ERBB4: variants seen among roughly 807,000 people sequenced by gnomAD.
ERBB4 encodes the protein erb-b2 receptor tyrosine kinase 4.
ERBB4 carries 42 observed loss-of-function variants against 158.0 expected under a neutral mutation model. That is an observed-to-expected ratio of 0.27 (90% CI 0.21 to 0.34). ERBB4 has a LOEUF of 0.34. Among genes scored for constraint, ERBB4 ranks in the 10% least tolerant of loss-of-function variants. ERBB4 has a pLI of 1.00. For synonymous variants in ERBB4, 583 were observed against 558.7 expected (o/e 1.04, Z -0.61); for missense variants, 1,333 against 1,624.1 (o/e 0.82, Z 3.08).
chr2:212,062,737 C>G (rs919074841), intron 2 of ERBB4, among the ~76,000 whole-genome samples: 1 of 152,040 alleles, frequency 6.6e-6, no homozygotes, highest in Non-Finnish European at 1.5e-5. Flanking sequence ...TTCAGCATCT[C>G]AGATGGAATC....
At chr2:211,586,396 A>G (rs1559323732) in intron 19 of ERBB4, among the ~76,000 whole-genome samples, 1 of 152,216 alleles carries the variant, frequency 6.6e-6, no homozygotes, top group African/African-American at 2.4e-5. Flanking sequence ...AAAGAAATAG[A>G]GTTGTATAAC....
intron 5 of ERBB4, among the ~76,000 whole-genome samples, chr2:211,744,328 A>G (rs2106191473): frequency 6.6e-6 from 1 of 152,352 alleles, no homozygotes; most frequent in East Asian, 1.9e-4. Context: ...CTAAAAATAT[A>G]AAAGATTTTA....
intron 20 of ERBB4, among the ~76,000 whole-genome samples, chr2:211,473,309 G>T (rs568002359): frequency 6.6e-6 from 1 of 152,196 alleles, no homozygotes; most frequent in African/African-American, 2.4e-5. Context: ...GCTTCTAGAA[G>T]AGAGTAGGTC....
At chr2:212,238,139 T>C (rs1330309766) in intron 1 of ERBB4, among the ~76,000 whole-genome samples, 1 of 152,216 alleles carries the variant, frequency 6.6e-6, no homozygotes, top group Non-Finnish European at 1.5e-5. Flanking sequence ...AAATAATTCC[T>C]GCAGTTAGCT....
At chr2:211,646,172 T>C (rs547684842) in intron 16 of ERBB4, among the ~76,000 whole-genome samples, 3 of 151,740 alleles carry the variant, frequency 2.0e-5, no homozygotes, top group South Asian at 4.1e-4. Flanking sequence ...TTATCGTATA[T>C]ATGTATTAGT....
intron 19 of ERBB4, among the ~76,000 whole-genome samples, chr2:211,592,780 G>A (rs139587647): frequency 0.016 from 2,500 of 152,266 alleles, 66 homozygotes; most frequent in African/African-American, 0.057. Context: ...GGGAGGCCGA[G>A]GTGGGTGGAT....
chr2:212,441,388 A>T (rs2092251470), intron 1 of ERBB4, among the ~76,000 whole-genome samples: 1 of 152,150 alleles, frequency 6.6e-6, no homozygotes, highest in Admixed American at 6.5e-5. Flanking sequence ...CAGGCATGAT[A>T]ATGTTGATTC....
intron 1 of ERBB4, among the ~76,000 whole-genome samples, chr2:212,448,535 C>T (rs1214734766): frequency 6.6e-6 from 1 of 151,448 alleles, no homozygotes; most frequent in African/African-American, 2.4e-5. Context: ...GGGAGTGTGG[C>T]TTTTTCTGCC....
intron 1 of ERBB4, among the ~76,000 whole-genome samples, chr2:212,516,556 A>G (rs566176571): frequency 4.2e-4 from 64 of 152,226 alleles, no homozygotes; most frequent in African/African-American, 1.3e-3. Context: ...TCTTCCAGCA[A>G]ACAGTCCCAT....
intron 1 of ERBB4, among the ~76,000 whole-genome samples, chr2:212,530,391 A>T (rs1692687657): frequency 6.6e-6 from 1 of 152,222 alleles, no homozygotes; most frequent in South Asian, 2.1e-4. Context: ...TGGTTTTCAT[A>T]GGTCCCTATA....
chr2:212,344,459 T>C (rs766970123), intron 1 of ERBB4, among the ~76,000 whole-genome samples: 5 of 140,558 alleles, frequency 3.6e-5, no homozygotes, highest in Non-Finnish European at 3.1e-5. Context: ...AGCTACCATA[T>C]ATATGTGTGT....
intron 20 of ERBB4, among the ~76,000 whole-genome samples, chr2:211,555,897 A>C (rs748930038): frequency 5.1e-4 from 77 of 152,192 alleles, no homozygotes; most frequent in Admixed American, 9.2e-4. Context: ...TGACACTATA[A>C]AGCAACCACA....
intron 1 of ERBB4, among the ~76,000 whole-genome samples, chr2:212,260,551 G>T (rs2084901496): frequency 6.6e-6 from 1 of 152,134 alleles, no homozygotes; most frequent in Admixed American, 6.5e-5. Flanking sequence ...AGTGGCTCAC[G>T]CCTGTAATCC....
At position 212,287,540 on chromosome 2, in the gene ERBB4, A is replaced by G. The variant is rs1319162407; in HGVS notation, c.83-162637T>C. On this transcript the variant is annotated intron_variant, in intron 1 of 27. Coordinates refer to ENST00000342788, the MANE Select transcript of ERBB4 (RefSeq NM_005235.3). Reference sequence around the variant, plus strand: ...ACTGATCCCTCTGCCTACTCCAAACAGGGGGTAACCTAACAGGCTTCATCG... The same window carrying G: ...ACTGATCCCTCTGCCTACTCCAAACGGGGGGTAACCTAACAGGCTTCATCG... Among the ~76,000 whole-genome samples, 7 of 151,892 alleles carry G rather than the reference A, an allele frequency of 4.6e-5. No individual in the cohort carries two copies. In the South Asian group the frequency reaches 6.2e-4, roughly 13 times the overall value.
intron 3 of ERBB4, among the ~76,000 whole-genome samples, chr2:211,894,610 C>G (rs2079054163): frequency 6.6e-6 from 1 of 152,136 alleles, no homozygotes; most frequent in African/African-American, 2.4e-5. Flanking sequence ...CACTAATGAG[C>G]TGTCATGCAC....
chr2:211,966,667 A>AT (rs2081319531), intron 2 of ERBB4, among the ~76,000 whole-genome samples: 1 of 152,166 alleles, frequency 6.6e-6, no homozygotes, highest in South Asian at 2.1e-4. Flanking sequence ...TTACATGTTT[A>AT]TTTTTAAGTC....
At chr2:211,443,295 A>G (rs1353298102) in intron 20 of ERBB4, among the ~76,000 whole-genome samples, 1 of 152,082 alleles carries the variant, frequency 6.6e-6, no homozygotes, top group Non-Finnish European at 1.5e-5. Flanking sequence ...TTTTTATTAC[A>G]TTGTCCCTTT....
chr2:211,641,152 A>G (rs1183504760), intron 16 of ERBB4, among the ~76,000 whole-genome samples: 1 of 152,108 alleles, frequency 6.6e-6, no homozygotes, highest in Non-Finnish European at 1.5e-5. Context: ...GTCACAGACA[A>G]CATTCCATTC....
chr2:211,855,721 C>T (rs2106049764), intron 3 of ERBB4, among the ~76,000 whole-genome samples: 1 of 152,182 alleles, frequency 6.6e-6, no homozygotes, highest in East Asian at 1.9e-4. Flanking sequence ...GTCTTAATAT[C>T]CAGTAGTTTT....
Sources: allele counts gnomAD v4.1 joint callset (sites outside exome capture counted in the v4.1 genomes callset), GRCh38; gene constraint gnomAD v4.1.1; transcripts MANE v1.5; gene names NCBI Gene and HGNC (gene_info 2026-07-23, HGNC 2026-07-21).